Variants in METTL9 observed in about 807,000 individuals in gnomAD.
METTL9 encodes methyltransferase 9, His-X-His N1(pi)-histidine, also known as protein-L-histidine N-pros-methyltransferase.
METTL9 carries 10 observed loss-of-function variants against 36.0 expected under a neutral mutation model. The ratio of observed to expected loss-of-function variants is 0.28; its 90% CI spans 0.17 to 0.47. The LOEUF (loss-of-function observed/expected upper bound fraction) is 0.47. Among genes scored for constraint, METTL9 ranks in the 20% least tolerant of loss-of-function variants. The probability of loss-of-function intolerance (pLI) is 0.99; values close to 1 mark genes in which losing one functional copy is unlikely to be tolerated. For synonymous variants in METTL9, 175 were observed against 149.7 expected (o/e 1.17, Z -1.23); for missense variants, 246 against 383.5 (o/e 0.64, Z 3.00).
chr16:21,643,633 T>C (rs771804081), intron 4 of METTL9: 2 of 1,435,366 alleles, frequency 1.4e-6, no homozygotes, highest in Admixed American at 3.6e-5. Flanking sequence ...ATGAAACATT[T>C]TATGTACTCA....
At chr16:21,654,031 G>GTTTT (rs1567351159) in intron 4 of METTL9, 71 of 121,672 alleles carry the variant, frequency 5.8e-4, no homozygotes, top group African/African-American at 2.0e-3. Flanking sequence ...TTCTCAGTCT[G>GTTTT]TTTTGTTTTT....
chr16:21,655,649 A>C lies in METTL9; in HGVS notation c.*217A>C. On this transcript the variant is annotated 3_prime_UTR_variant, in exon 5 of 5. Transcript: ENST00000358154. ...CCCAACTCTTTGTGGATTTTTATCA[A>C]CTCTTTACTCAGAGCCACTCTCCAA... is the stretch of plus-strand genomic sequence containing the variant. 1 of 513,652 alleles carries C rather than the reference A, an allele frequency of 1.9e-6. No individual in the cohort carries two copies. The highest frequency in any genetic ancestry group is 3.4e-6 in the Non-Finnish European group (1 of 292,222). The allele number at this position is 513,652 out of a possible 1,614,324, so 31.8% of individuals were successfully genotyped here. A position where few individuals can be genotyped will look rare whatever the true frequency, so the allele number is the denominator to read the frequency against.
intron 1 of METTL9, among the ~76,000 whole-genome samples, chr16:21,608,554 A>G (rs563793636): frequency 1.3e-5 from 2 of 152,236 alleles, no homozygotes; most frequent in Admixed American, 6.5e-5. Flanking sequence ...GTACAGTGAC[A>G]TTTTGTGGGT....
chr16:21,624,733 G>T (rs898684548), intron 3 of METTL9, among the ~76,000 whole-genome samples, 198 bp from the exon 4 acceptor site: 1 of 141,006 alleles, frequency 7.1e-6, no homozygotes, highest in Non-Finnish European at 1.6e-5. Flanking sequence ...TCTCAAAAAA[G>T]AAAAAATTAA....
intron 4 of METTL9, chr16:21,641,546 A>G (rs1355539111): frequency 6.3e-7 from 1 of 1,586,270 alleles, no homozygotes; most frequent in Non-Finnish European, 8.6e-7. Context: ...ATGGCCTTTC[A>G]TAGTTGGAAA....
intron 4 of METTL9, among the ~76,000 whole-genome samples, chr16:21,631,928 GTC>G (rs889649354): frequency 2.0e-5 from 3 of 151,760 alleles, no homozygotes; most frequent in Non-Finnish European, 4.4e-5. Flanking sequence ...CTTTTTCTTT[GTC>G]TCTCTCTCTC....
intron 1 of METTL9, among the ~76,000 whole-genome samples, chr16:21,611,787 G>A (rs1965432239): frequency 6.6e-6 from 1 of 152,214 alleles, no homozygotes; most frequent in South Asian, 2.1e-4. Context: ...TTGTGGGGCT[G>A]ACGCTAAAGC....
rs3046231 is a variant in METTL9 at position 21,605,257 on chromosome 16, CTTTTTTTTTTTTTTTTTTTT to C, written c.165+5379_165+5398del. ...GGGGTGGTAAAAATAGGCTTGCCTTCTTTTTTTTTTTTTTTTTTTTTTTTTTTTTTTTTTTTTTTGAGAAA... is the reference window on the plus strand; with the variant it reads ...GGGGTGGTAAAAATAGGCTTGCCTTCTTTTTTTTTTTTTTTTTTTGAGAAA... On this transcript the variant is annotated intron_variant, in intron 1 of 4. Coordinates refer to ENST00000358154, the MANE Select transcript of METTL9 (RefSeq NM_016025.5). 2.8e-3 allele frequency among the ~76,000 whole-genome samples: 145 copies of C among 51,238 alleles called. 1 individual carries two copies. The highest frequency in any genetic ancestry group is 0.019 in the Middle Eastern group (1 of 54). The allele number at this position is 51,238 out of a possible 152,430, so 33.6% of individuals were successfully genotyped here. A position where few individuals can be genotyped will look rare whatever the true frequency, so the allele number is the denominator to read the frequency against.
At chr16:21,643,566 T>C in intron 4 of METTL9, 1 of 1,607,262 alleles carries the variant, frequency 6.2e-7, no homozygotes, top group Non-Finnish European at 8.5e-7. Flanking sequence ...AGTCTTCTTT[T>C]ATTTCTTTGT....
intron 2 of METTL9, among the ~76,000 whole-genome samples, chr16:21,617,226 G>C (rs1965574664): frequency 6.6e-6 from 1 of 151,452 alleles, no homozygotes; most frequent in African/African-American, 2.4e-5. Flanking sequence ...AGACCATCCT[G>C]GCTAACATGG....
intron 4 of METTL9, among the ~76,000 whole-genome samples, chr16:21,634,740 G>C (rs945007522): frequency 8.5e-5 from 13 of 152,148 alleles, no homozygotes; most frequent in African/African-American, 3.1e-4. Context: ...AGGATCAATT[G>C]ACCCTTGAGT....
chr16:21,640,610 A>G (rs1966231053), intron 4 of METTL9: 2 of 149,994 alleles, frequency 1.3e-5, no homozygotes, highest in Admixed American at 6.7e-5. Context: ...AAAAAAAAAA[A>G]AAAAAAATTA....
intron 4 of METTL9, among the ~76,000 whole-genome samples, chr16:21,632,075 C>T (rs1965977186): frequency 1.3e-5 from 2 of 152,126 alleles, no homozygotes; most frequent in African/African-American, 4.8e-5. Context: ...CTGCTGTTCT[C>T]CCCTCTCCTT....
rs1376799961 is a variant in METTL9 at position 21,656,474 on chromosome 16, C to G, written c.*1042C>G. ...TGATGAAGACCGTGTCAGACTCATG[C>G]ATTCTGGAATCCGTGAGTGCCTCCA... On this transcript the variant is annotated 3_prime_UTR_variant, in exon 5 of 5. Coordinates refer to ENST00000358154, the MANE Select transcript of METTL9 (RefSeq NM_016025.5). 1 of 152,158 alleles carries G rather than the reference C, an allele frequency of 6.6e-6. No homozygotes were observed. The highest frequency in any genetic ancestry group is 2.4e-5 in the African/African-American group (1 of 41,428). The allele number at this position is 152,158 out of a possible 1,614,324, so 9.4% of individuals were successfully genotyped here. A position where few individuals can be genotyped will look rare whatever the true frequency, so the allele number is the denominator to read the frequency against.
intron 4 of METTL9, among the ~76,000 whole-genome samples, chr16:21,627,733 G>A (rs184206048): frequency 6.6e-6 from 1 of 152,242 alleles, no homozygotes; most frequent in East Asian, 1.9e-4. Flanking sequence ...CAGATCATGA[G>A]GTCAGGAGAT....
Position 21,625,073 on chromosome 16 carries a change from A to G in METTL9, c.709A>G (p.Ile237Val). 4 of 1,614,214 alleles carry G rather than the reference A, an allele frequency of 2.5e-6. No individual in the cohort carries two copies. The highest frequency in any genetic ancestry group is 3.4e-6 in the Non-Finnish European group (4 of 1,180,044). ...SVLEPTRGRV[I>V]LALVLPFHPY... ...CTTGGAGCCAACTAGAGGCAGGGTC[A>G]TCCTTGCCCTTGTCCTCCCCTTTCA... The change falls in exon 4 of 5, where the codon ATC becomes GTC. Residue 237 changes from isoleucine (I) to valine (V), a missense_variant. Ile to Val is a conservative substitution (Grantham distance 29). Around this residue, in one of 2 missense-constraint regions of METTL9, gnomAD observed 146 missense variants for 302.1 expected, o/e 0.48. Transcript: ENST00000358154.
chr16:21,609,774 A>T (rs879678171), intron 1 of METTL9, among the ~76,000 whole-genome samples: 7 of 152,180 alleles, frequency 4.6e-5, no homozygotes, highest in African/African-American at 7.2e-5. Context: ...AAAATCGTGC[A>T]GGGCCTTATA....
At position 21,613,168 on chromosome 16, in the gene METTL9, C is replaced by CTT. The variant is rs57388340; in HGVS notation, c.356+368_356+369dup. The stretch of plus-strand genomic sequence containing the variant: ...ATCAGGGGCTAGGTCTGAGAGTCTG[C>CTT]TTTTTTTTTTTTTTTTTTTTTTTTT... On this transcript the variant is annotated intron_variant, in intron 2 of 4. Coordinates refer to ENST00000358154, the MANE Select transcript of METTL9 (RefSeq NM_016025.5). Among the ~76,000 whole-genome samples, 239 of 91,404 alleles carry CTT rather than the reference C, an allele frequency of 2.6e-3. 31 individuals are homozygous for CTT. Among genetic ancestry groups the CTT allele is most frequent in the Non-Finnish European group, 3.7e-3 (186 of 50,880 alleles). 60.0% of individuals were successfully genotyped at this position (91,404 alleles called of 152,430 possible). A position where few individuals can be genotyped will look rare whatever the true frequency, so the allele number is the denominator to read the frequency against.
At chr16:21,603,170 C>T (rs1230951374) in intron 1 of METTL9, among the ~76,000 whole-genome samples, 1 of 150,206 alleles carries the variant, frequency 6.7e-6, no homozygotes, top group Non-Finnish European at 1.5e-5. Flanking sequence ...GACAGGGTCT[C>T]ACTGTGTCAC....
Sources: allele counts gnomAD v4.1 joint callset (sites outside exome capture counted in the v4.1 genomes callset), GRCh38; gene constraint gnomAD v4.1.1; regional missense constraint gnomAD v4.1.1; transcripts MANE v1.5; gene names NCBI Gene and HGNC (gene_info 2026-07-23, HGNC 2026-07-21).